Variants in ARL15 observed in about 807,000 individuals in gnomAD.
ARL15 encodes the protein ARF like GTPase 15.
Under a neutral mutation model 25.2 loss-of-function variants are expected in ARL15, and 19 were observed. The ratio of observed to expected loss-of-function variants is 0.75; its 90% CI spans 0.53 to 1.10. The LOEUF is 1.10. Ranked by LOEUF, ARL15 falls within the 50% of genes least tolerant of loss-of-function variation. The pLI, the probability that ARL15 is intolerant of heterozygous loss-of-function variation, is 0.00. For missense variants in ARL15, 220 were observed against 246.0 expected (o/e 0.89, Z 0.71); for synonymous variants, 94 against 86.8 (o/e 1.08, Z -0.46).
chr5:53,942,782 G>A (rs1193833631), intron 4 of ARL15, among the ~76,000 whole-genome samples: 1 of 152,030 alleles, frequency 6.6e-6, no homozygotes, highest in African/African-American at 2.4e-5. Flanking sequence ...CCATGGGAAA[G>A]GTGAGATGAC....
intron 4 of ARL15, among the ~76,000 whole-genome samples, chr5:54,023,963 C>G (rs945645510): frequency 3.9e-5 from 6 of 152,176 alleles, no homozygotes; most frequent in African/African-American, 1.4e-4. Context: ...ATTTACTACT[C>G]TCCTAAAATC....
Position 54,237,453 on chromosome 5 carries a change from C to T in ARL15, c.49-65525G>A, listed in dbSNP as rs139390975. ...AAGTATTAGAACATTATACAATTAT[C>T]TTAATAGAAACAGCATGCTGACAAT... is the stretch of plus-strand genomic sequence containing the variant. On this transcript the variant is annotated intron_variant, in intron 1 of 4. Coordinates refer to ENST00000504924, the MANE Select transcript of ARL15 (RefSeq NM_019087.3). Among the ~76,000 whole-genome samples, 86 of 152,206 alleles carry T rather than the reference C, an allele frequency of 5.7e-4. No individual in the cohort carries two copies. In the East Asian group the frequency reaches 0.012, roughly 21 times the overall value.
intron 4 of ARL15, among the ~76,000 whole-genome samples, chr5:54,088,660 C>G (rs1041994309): frequency 2.0e-5 from 3 of 152,126 alleles, no homozygotes; most frequent in African/African-American, 7.2e-5. Flanking sequence ...AGCATAAACT[C>G]CTAGCAGACA....
chr5:53,920,417 T>C (rs997186702), intron 4 of ARL15, among the ~76,000 whole-genome samples: 1 of 152,050 alleles, frequency 6.6e-6, no homozygotes, highest in Non-Finnish European at 1.5e-5. Context: ...GTGAGTGCTT[T>C]TATGGGTTCA....
At chr5:54,230,036 T>C (rs1756624100) in intron 1 of ARL15, among the ~76,000 whole-genome samples, 1 of 152,054 alleles carries the variant, frequency 6.6e-6, no homozygotes, top group Non-Finnish European at 1.5e-5. Context: ...CTCCATTGTT[T>C]AAAATTAACT....
At chr5:54,189,912 C>T (rs1755347280) in intron 1 of ARL15, among the ~76,000 whole-genome samples, 1 of 152,084 alleles carries the variant, frequency 6.6e-6, no homozygotes, top group African/African-American at 2.4e-5. Flanking sequence ...ATTTTTAAAT[C>T]ATATCTCTAA....
At chr5:54,222,871 G>A (rs754303282) in intron 1 of ARL15, among the ~76,000 whole-genome samples, 4 of 152,052 alleles carry the variant, frequency 2.6e-5, no homozygotes, top group African/African-American at 4.8e-5. Flanking sequence ...TCGCCCAAGA[G>A]TGCAGTGGCA....
intron 4 of ARL15, among the ~76,000 whole-genome samples, chr5:54,015,578 A>G (rs922546840): frequency 9.2e-5 from 14 of 152,344 alleles, no homozygotes; most frequent in African/African-American, 3.1e-4. Flanking sequence ...ACACTTTTTA[A>G]TAATGTTACC....
Position 54,171,944 on chromosome 5 carries a change from G to A in ARL15, c.49-16C>T, listed in dbSNP as rs1754731579. On this transcript the variant is annotated splice_polypyrimidine_tract_variant and intron_variant, in intron 1 of 4. Coordinates refer to ENST00000504924, the MANE Select transcript of ARL15 (RefSeq NM_019087.3). Reference sequence around the variant, plus strand: ...CTCTAAAACACTGCCAAAAGAAGGGGAAAAAAATGTTCCTTTAAATGACAG... The same window carrying A: ...CTCTAAAACACTGCCAAAAGAAGGGAAAAAAAATGTTCCTTTAAATGACAG... 4.4e-6 allele frequency: 7 copies of A among 1,594,520 alleles called. No homozygotes were observed. The highest frequency in any genetic ancestry group is 6.0e-6 in the Non-Finnish European group (7 of 1,169,862).
chr5:54,093,964 G>A (rs1039104935), intron 4 of ARL15, among the ~76,000 whole-genome samples: 1 of 152,138 alleles, frequency 6.6e-6, no homozygotes, highest in African/African-American at 2.4e-5. Context: ...GTGCAGATGT[G>A]TTTTCAGTGT....
At chr5:54,212,169 C>T (rs1756061397) in intron 1 of ARL15, among the ~76,000 whole-genome samples, 1 of 152,180 alleles carries the variant, frequency 6.6e-6, no homozygotes, top group Admixed American at 6.5e-5. Context: ...TTCAGTAACA[C>T]TTTACTTACA....
Position 53,933,553 on chromosome 5 carries a change from G to A in ARL15, c.463-46840C>T, listed in dbSNP as rs760782505. On this transcript the variant is annotated intron_variant, in intron 4 of 4. Transcript: ENST00000504924. Reference sequence around the variant, plus strand: ...CCAGCTACTCAGGAGGCTGAGGCAGGAGAATGGCGTGAACCTGGGAGACAG... The same window carrying A: ...CCAGCTACTCAGGAGGCTGAGGCAGAAGAATGGCGTGAACCTGGGAGACAG... Among the ~76,000 whole-genome samples, 3 of 148,208 alleles carry A rather than the reference G, an allele frequency of 2.0e-5. No homozygotes were observed. The Admixed American group carries it at 2.1e-4, about 10-fold the overall frequency.
chr5:53,973,159 A>C (rs931646666), intron 4 of ARL15, among the ~76,000 whole-genome samples: 4 of 152,222 alleles, frequency 2.6e-5, no homozygotes, highest in African/African-American at 9.6e-5. Context: ...CGAAGCATAA[A>C]GGTCCAAGAA....
chr5:54,246,900 A>T (rs1447308258), intron 1 of ARL15, among the ~76,000 whole-genome samples: 1 of 151,998 alleles, frequency 6.6e-6, no homozygotes, highest in East Asian at 1.9e-4. Flanking sequence ...GTCATAAGGG[A>T]GAGGGTGATT....
chr5:54,310,274 C>T (rs1472542760), intron 1 of ARL15, 158 bp downstream of exon 1: 2 of 797,228 alleles, frequency 2.5e-6, no homozygotes, highest in Non-Finnish European at 3.8e-6. Context: ...GCTGCCCCTC[C>T]GAGTCCAGGG....
In ARL15 at chr5:54,025,287, C is replaced by CAAA. The variant is rs756211559; in HGVS notation, c.462+87912_462+87914dup. The stretch of plus-strand genomic sequence containing the variant: ...TATGATTGCAGAGAGACAAAGGGAC[C>CAAA]AAAAAAAAAAAAAAAAAAAAGCAAA... On this transcript the variant is annotated intron_variant, in intron 4 of 4. Transcript: ENST00000504924. Among the ~76,000 whole-genome samples the CAAA allele has an allele frequency of 6.7e-3, 538 of 80,070 alleles. 3 individuals carry two copies. Among genetic ancestry groups the CAAA allele is most frequent in the Admixed American group, 0.012 (104 of 8,922 alleles). The allele number at this position is 80,070 out of a possible 152,430, so 52.5% of individuals were successfully genotyped here. A position where few individuals can be genotyped will look rare whatever the true frequency, so the allele number is the denominator to read the frequency against.
At chr5:54,120,334 C>T (rs893837575) in intron 3 of ARL15, among the ~76,000 whole-genome samples, 4 of 152,200 alleles carry the variant, frequency 2.6e-5, no homozygotes, top group Non-Finnish European at 5.9e-5. Flanking sequence ...TCACTCTACT[C>T]ATAGGCCTTT....
intron 4 of ARL15, among the ~76,000 whole-genome samples, chr5:54,079,372 C>T (rs928400377): frequency 6.6e-6 from 1 of 152,102 alleles, no homozygotes; most frequent in African/African-American, 2.4e-5. Context: ...TTAACAGAAA[C>T]AAGTAACAAG....
intron 4 of ARL15, among the ~76,000 whole-genome samples, chr5:54,085,874 T>C (rs1751948726): frequency 6.6e-6 from 1 of 151,178 alleles, no homozygotes; most frequent in Admixed American, 6.6e-5. Flanking sequence ...GAAATACCTA[T>C]ATTCTCTCCT....
Sources: gnomAD v4.1 joint callset for allele counts (sites outside exome capture counted in the v4.1 genomes callset) on GRCh38, gnomAD v4.1.1 for gene constraint, MANE v1.5 for transcripts, NCBI Gene and HGNC (gene_info 2026-07-23, HGNC 2026-07-21) for gene names.